Variants in TMEM67 observed in about 807,000 individuals in gnomAD.
The protein encoded by TMEM67 is meckelin.
In TMEM67, 124 loss-of-function variants were observed where a neutral mutation model predicts 136.6. That is an observed-to-expected ratio of 0.91 (90% CI 0.78 to 1.05). The LOEUF (loss-of-function observed/expected upper bound fraction) is 1.05. Ranked by LOEUF, TMEM67 falls within the 50% of genes least tolerant of loss-of-function variation. TMEM67 has a pLI of 0.00. For missense variants in TMEM67, 1,107 were observed against 1,178.4 expected, an observed-to-expected ratio of 0.94 and a Z score of 0.89; for synonymous variants, 364 against 390.5, an observed-to-expected ratio of 0.93 and a Z score of 0.80.
At position 93,808,913 on chromosome 8, in the gene TMEM67, A is replaced by G. The variant is rs947249209; in HGVS notation, c.2513A>G (p.Gln838Arg). The change falls in exon 24 of 28, where the codon CAG becomes CGG. Residue 838 changes from glutamine to arginine, a missense_variant. Around this residue, in one of 3 missense-constraint regions of TMEM67, gnomAD observed 925 missense variants for 1,002.4 expected, o/e 0.92. Coordinates refer to ENST00000453321, the MANE Select transcript of TMEM67 (RefSeq NM_153704.6). ...ACTTTTGAGATTGCAATTTCTAACC[A>G]GATGAGACAACATTATGACAGAATT... Reference protein sequence around the residue: ...GQTFEIAISNQMRQHYDRIHE... With the variant: ...GQTFEIAISNRMRQHYDRIHE... 1.2e-6 allele frequency: 2 copies of G among 1,612,730 alleles called. No homozygotes were observed. The highest frequency in any genetic ancestry group is 3.3e-5 in the Admixed American group (2 of 59,990).
At chr8:93,807,885 A>G (rs76297634) in intron 23 of TMEM67, among the ~76,000 whole-genome samples, 3,136 of 151,966 alleles carry the variant, frequency 0.021, 98 homozygotes, top group African/African-American at 0.072. Flanking sequence ...AATTTTTTTT[A>G]CATATTTGTG....
intron 1 of TMEM67, 26 bp from the exon 2 acceptor site, chr8:93,755,752 T>TTTTC (rs1491257071): frequency 8.3e-6 from 2 of 239,536 alleles, no homozygotes; most frequent in Non-Finnish European, 1.3e-5. Context: ...TAAAATTGGC[T>TTTTC]TTTTTTTTTT....
intron 23 of TMEM67, among the ~76,000 whole-genome samples, chr8:93,808,518 TTATAA>T (rs1808550865): frequency 7.1e-6 from 1 of 140,016 alleles, no homozygotes; most frequent in African/African-American, 2.6e-5. Context: ...ATATATATAT[TTATAA>T]TCTATATATA....
intron 7 of TMEM67, among the ~76,000 whole-genome samples, chr8:93,775,948 G>A (rs573702065): frequency 3.3e-5 from 5 of 152,084 alleles, no homozygotes; most frequent in South Asian, 2.1e-4. Context: ...TGAGGCAGTA[G>A]GGCCATTTTC....
intron 7 of TMEM67, among the ~76,000 whole-genome samples, chr8:93,776,844 T>C (rs1813567914): frequency 6.6e-6 from 1 of 152,242 alleles, no homozygotes; most frequent in African/African-American, 2.4e-5. Context: ...CAGGCTTTGG[T>C]ATCAGGATGA....
intron 11 of TMEM67, among the ~76,000 whole-genome samples, chr8:93,784,705 C>A (rs1485389332): frequency 6.6e-6 from 1 of 152,106 alleles, no homozygotes; most frequent in Non-Finnish European, 1.5e-5. Context: ...TTTGTAATGA[C>A]AGAGAGACAT....
At position 93,786,352 on chromosome 8, in the gene TMEM67, C is replaced by T; in HGVS notation, c.1412+6C>T. ...GCTACTCAAATATCACTGAGGTAAACAAATGTCTAATGATATTATTTATGG... is the reference window on the plus strand; with the variant it reads ...GCTACTCAAATATCACTGAGGTAAATAAATGTCTAATGATATTATTTATGG... On this transcript the variant is annotated splice_donor_region_variant and intron_variant, in intron 13 of 27. Coordinates refer to ENST00000453321, the MANE Select transcript of TMEM67 (RefSeq NM_153704.6). 6.2e-7 allele frequency: 1 copy of T among 1,613,222 alleles called. No homozygotes were observed.
At chr8:93,787,746 C>T (rs187929667) in intron 13 of TMEM67, 98 bp from the exon 14 acceptor site, 2 of 959,656 alleles carry the variant, frequency 2.1e-6, no homozygotes, top group Admixed American at 3.6e-5. Context: ...CTGAGATCAT[C>T]AGACAATTCA....
the TMEM67 span, among the ~76,000 whole-genome samples, chr8:93,831,821 T>G: frequency 6.6e-6 from 1 of 151,840 alleles, no homozygotes; most frequent in African/African-American, 2.4e-5. Context: ...GCTGAATTCC[T>G]GTTTCTCTTG....
chr8:93,764,157 A>G (rs1474859302), intron 4 of TMEM67, among the ~76,000 whole-genome samples: 1 of 152,156 alleles, frequency 6.6e-6, no homozygotes, highest in East Asian at 1.9e-4. Context: ...CTGACCTTGG[A>G]TAGCTCACTA....
intron 16 of TMEM67, among the ~76,000 whole-genome samples, chr8:93,794,447 T>C (rs1246143269): frequency 2.6e-5 from 4 of 152,236 alleles, no homozygotes; most frequent in Non-Finnish European, 5.9e-5. Flanking sequence ...AGTAGCTCTT[T>C]GAAGTTAGGT....
At chr8:93,808,464 T>TATCTATAATAGATCTATTCTAG (rs1554559286) in intron 23 of TMEM67, among the ~76,000 whole-genome samples, 1 of 60,166 alleles carries the variant, frequency 1.7e-5, no homozygotes, top group African/African-American at 5.9e-5. Flanking sequence ...AATATATATT[T>TATCTATAATAGATCTATTCTAG]ATCTATTATA....
At chr8:93,794,817 T>A (rs1473955711) in intron 16 of TMEM67, 1 of 160,736 alleles carries the variant, frequency 6.2e-6, no homozygotes, top group Non-Finnish European at 1.4e-5. Flanking sequence ...ACATAGTCTG[T>A]GCTCTCAGAA....
At chr8:93,826,123 C>CTTTTTTTTT in the TMEM67 span, among the ~76,000 whole-genome samples, 24 of 52,380 alleles carry the variant, frequency 4.6e-4, 5 homozygotes, top group Non-Finnish European at 7.3e-4. Flanking sequence ...TTAATCATGT[C>CTTTTTTTTT]TTTTTTTTTT....
At chr8:93,805,538 G>A (rs1048506966) in intron 23 of TMEM67, among the ~76,000 whole-genome samples, 21 of 146,604 alleles carry the variant, frequency 1.4e-4, no homozygotes, top group Non-Finnish European at 2.1e-4. Context: ...CCGAGATTGC[G>A]CCACCGCACT....
chr8:93,755,668 T>TCAAG, intron 1 of TMEM67, 110 bp from the exon 2 acceptor site: 2 of 750,968 alleles, frequency 2.7e-6, no homozygotes, highest in East Asian at 5.4e-5. Context: ...TGTTAATCAC[T>TCAAG]ATACTGCTTC....
intron 14 of TMEM67, among the ~76,000 whole-genome samples, chr8:93,788,713 A>G (rs555139704): frequency 6.6e-6 from 1 of 152,352 alleles, no homozygotes; most frequent in South Asian, 2.1e-4. Context: ...TATCAGCTTT[A>G]TAACTAGTAT....
intron 7 of TMEM67, among the ~76,000 whole-genome samples, chr8:93,776,709 A>T (rs1454579454): frequency 6.6e-6 from 1 of 152,154 alleles, no homozygotes; most frequent in Non-Finnish European, 1.5e-5. Flanking sequence ...AGTCAGCTTG[A>T]TCGTGTTGGA....
rs1022082198 is a variant in TMEM67 at position 93,780,987 on chromosome 8, A to C, written c.978+5A>C. ...AGTTTTAAAGGAGAAAACCAGGTAA[A>C]AGTGTCTAATATCATTAGAGGATAA... is the stretch of plus-strand genomic sequence containing the variant. On this transcript the variant is annotated splice_donor_5th_base_variant and intron_variant, in intron 9 of 27. Coordinates refer to ENST00000453321, the MANE Select transcript of TMEM67 (RefSeq NM_153704.6). The C allele has an allele frequency of 7.2e-6, 11 of 1,518,364 alleles. No individual in the cohort carries two copies. In the African/African-American group the frequency reaches 1.2e-4, roughly 17 times the overall value. 94.1% of individuals were successfully genotyped at this position (1,518,364 alleles called of 1,614,324 possible). A position where few individuals can be genotyped will look rare whatever the true frequency, so the allele number is the denominator to read the frequency against.
Sources: allele counts gnomAD v4.1 joint callset (sites outside exome capture counted in the v4.1 genomes callset), GRCh38; gene constraint gnomAD v4.1.1; regional missense constraint gnomAD v4.1.1; transcripts MANE v1.5; gene names NCBI Gene and HGNC (gene_info 2026-07-23, HGNC 2026-07-21).